Variants in SLA observed in about 807,000 individuals in gnomAD.
SLA encodes src-like-adapter.
A neutral mutation model predicts 30.3 loss-of-function variants in SLA; 16 were observed. The observed-to-expected ratio is 0.53, with a 90% CI of 0.36 to 0.80. The LOEUF (loss-of-function observed/expected upper bound fraction) is 0.80, where lower values mean the gene tolerates loss of function less well. SLA is among the 30% of genes least tolerant of loss of function. The pLI, the probability that SLA is intolerant of heterozygous loss-of-function variation, is 0.01. For missense variants in SLA, 310 were observed against 345.2 expected (o/e 0.90, Z 0.81); for synonymous variants, 143 against 137.8 (o/e 1.04, Z -0.26).
intron 1 of SLA, among the ~76,000 whole-genome samples, chr8:133,091,689 T>G (rs1235288190): frequency 1.3e-5 from 2 of 152,178 alleles, no homozygotes; most frequent in East Asian, 3.9e-4. Context: ...TGTGACTGTG[T>G]GTGTTTGTGT....
Position 133,085,278 on chromosome 8 carries a change from G to A in SLA, c.-318-10148C>T, listed in dbSNP as rs17703282. 2.2e-3 allele frequency among the ~76,000 whole-genome samples: 341 copies of A among 152,110 alleles called. 3 individuals carry two copies. The highest frequency in any genetic ancestry group is 2.6e-3 in the Non-Finnish European group (178 of 67,998). ...ATCTATAGAATGCAAGGCAGAACTCGTGGACCTTGCACTAGGCAAGCATTT... is the reference window on the plus strand; with the variant it reads ...ATCTATAGAATGCAAGGCAGAACTCATGGACCTTGCACTAGGCAAGCATTT... On this transcript the variant is annotated intron_variant, in intron 1 of 8. Coordinates refer to ENST00000338087, the MANE Select transcript of SLA (RefSeq NM_001045556.3).
chr8:133,078,790 G>A (rs775305239), intron 1 of SLA, among the ~76,000 whole-genome samples: 8 of 152,144 alleles, frequency 5.3e-5, no homozygotes, highest in African/African-American at 1.7e-4. Context: ...TGTAAATTTC[G>A]TGTATGTATA....
intron 1 of SLA, chr8:133,075,989 T>C (rs1233167627): frequency 6.6e-6 from 1 of 152,156 alleles, no homozygotes; most frequent in Non-Finnish European, 1.5e-5. Context: ...AAATATTGCA[T>C]ATAAAATCTC....
At chr8:133,098,801 A>G (rs142559916) in intron 1 of SLA, among the ~76,000 whole-genome samples, 1 of 152,284 alleles carries the variant, frequency 6.6e-6, no homozygotes, top group African/African-American at 2.4e-5. Flanking sequence ...CATGGTGTTC[A>G]GAGGGTAGCC....
chr8:133,097,625 A>G (rs984179677), intron 1 of SLA, among the ~76,000 whole-genome samples: 3 of 152,230 alleles, frequency 2.0e-5, no homozygotes, highest in Admixed American at 1.3e-4. Context: ...ATATCTTTAT[A>G]TTTGTAAGTG....
At chr8:133,098,328 C>G (rs116099051) in intron 1 of SLA, among the ~76,000 whole-genome samples, 4 of 152,074 alleles carry the variant, frequency 2.6e-5, no homozygotes, top group East Asian at 1.9e-4. Context: ...TATTATAAAC[C>G]CTTTATTGAA....
intron 1 of SLA, among the ~76,000 whole-genome samples, chr8:133,098,104 C>T (rs1848705905): frequency 6.6e-5 from 10 of 152,146 alleles, no homozygotes; most frequent in Admixed American, 6.5e-4. Context: ...ATAGCCCTTA[C>T]CCTGAGGGGC....
chr8:133,048,346 A>G (rs1839846451), intron 5 of SLA, among the ~76,000 whole-genome samples: 1 of 151,866 alleles, frequency 6.6e-6, no homozygotes, highest in Non-Finnish European at 1.5e-5. Flanking sequence ...TCAGCCTCCC[A>G]AGTAGCTGGG....
At chr8:133,039,858 C>T (rs935650198) in intron 8 of SLA, 140 bp downstream of exon 8, 2 of 1,424,630 alleles carry the variant, frequency 1.4e-6, no homozygotes, top group Non-Finnish European at 1.9e-6. Flanking sequence ...GTGCTCACCC[C>T]CCAGTTTCAG....
chr8:133,069,428 T>C (rs570857795), intron 2 of SLA, among the ~76,000 whole-genome samples: 1 of 152,306 alleles, frequency 6.6e-6, no homozygotes, highest in East Asian at 1.9e-4. Flanking sequence ...CCCAGGCATT[T>C]GGTCTAATGG....
chr8:133,058,939 C>T (rs1841949398), intron 3 of SLA: 2 of 471,394 alleles, frequency 4.2e-6, no homozygotes, highest in Non-Finnish European at 8.5e-6. Context: ...GTGGCTGGGT[C>T]TTGGCATGCT....
At chr8:133,069,191 G>A (rs1843566242) in intron 2 of SLA, among the ~76,000 whole-genome samples, 1 of 152,350 alleles carries the variant, frequency 6.6e-6, no homozygotes, top group Non-Finnish European at 1.5e-5. Flanking sequence ...TAGGCACAGG[G>A]ACTATAAAGT....
At chr8:133,060,405 CCA>C (rs1587937826) in intron 2 of SLA, 2 of 1,510,002 alleles carry the variant, frequency 1.3e-6, no homozygotes, top group Non-Finnish European at 1.8e-6. Flanking sequence ...GACAGAAAAA[CCA>C]CAGAGAGGGA....
chr8:133,099,785 T>G (rs1217068087), intron 1 of SLA, among the ~76,000 whole-genome samples: 2 of 152,206 alleles, frequency 1.3e-5, no homozygotes, highest in Non-Finnish European at 2.9e-5. Flanking sequence ...AAAATCCAGC[T>G]GGCTGTATTT....
intron 1 of SLA, among the ~76,000 whole-genome samples, chr8:133,077,621 C>T (rs1029539258): frequency 6.6e-6 from 1 of 152,300 alleles, no homozygotes; most frequent in East Asian, 1.9e-4. Context: ...GGCTGAAGCC[C>T]GATGCCACGC....
At chr8:133,049,147 A>T (rs1181449980) in intron 5 of SLA, 1 of 456,348 alleles carries the variant, frequency 2.2e-6, no homozygotes, top group African/African-American at 2.0e-5. Flanking sequence ...AGGGCTCCAA[A>T]GCCACCCAGG....
In SLA at chr8:133,037,837, C is replaced by T. The variant is rs923123239; in HGVS notation, c.*687G>A. 1 of 152,214 alleles carries T rather than the reference C, an allele frequency of 6.6e-6. No individual in the cohort carries two copies. Among genetic ancestry groups the T allele is most frequent in the African/African-American group, 2.4e-5 (1 of 41,424 alleles). The allele number at this position is 152,214 out of a possible 1,614,324, so 9.4% of individuals were successfully genotyped here. A position where few individuals can be genotyped will look rare whatever the true frequency, so the allele number is the denominator to read the frequency against. ...TAGTCTCGCCTCCTCGATTTCCCTG[C>T]CAGCAGTCTTCCTCTCTCTCATTCT... On this transcript the variant is annotated 3_prime_UTR_variant, in exon 9 of 9. Transcript: ENST00000338087.
In SLA at chr8:133,047,735, A is replaced by G. The variant is rs1256591007; in HGVS notation, c.352+95T>C. The G allele has an allele frequency of 1.1e-5, 9 of 785,900 alleles. No individual in the cohort carries two copies. In the South Asian group the frequency reaches 1.2e-4, roughly 11 times the overall value. 48.7% of individuals were successfully genotyped at this position (785,900 alleles called of 1,614,324 possible). A position where few individuals can be genotyped will look rare whatever the true frequency, so the allele number is the denominator to read the frequency against. On this transcript the variant is annotated intron_variant, in intron 6 of 8. Coordinates refer to ENST00000338087, the MANE Select transcript of SLA (RefSeq NM_001045556.3). Reference sequence around the variant, plus strand: ...ACATTGGATCAATTTGCATGGACGTAGGAGGAAGGAAAATGAAGCCGTGTA... The same window carrying G: ...ACATTGGATCAATTTGCATGGACGTGGGAGGAAGGAAAATGAAGCCGTGTA...
chr8:133,089,600 A>G (rs1164231140), intron 1 of SLA, among the ~76,000 whole-genome samples: 1 of 151,870 alleles, frequency 6.6e-6, no homozygotes, highest in Admixed American at 6.6e-5. Flanking sequence ...TTCTCACTAC[A>G]CTTCTATGGA....
Sources: gnomAD v4.1 joint callset for allele counts (sites outside exome capture counted in the v4.1 genomes callset) on GRCh38, gnomAD v4.1.1 for gene constraint, MANE v1.5 for transcripts, NCBI Gene and HGNC (gene_info 2026-07-23, HGNC 2026-07-21) for gene names.